The following CNTNAP5 variants were observed in gnomAD, a reference collection of about 807,000 sequenced individuals.
CNTNAP5 encodes contactin-associated protein-like 5.
In CNTNAP5, 72 loss-of-function variants were observed where a neutral mutation model predicts 150.2. The observed-to-expected ratio is 0.48, with a 90% CI of 0.40 to 0.58. The LOEUF (loss-of-function observed/expected upper bound fraction) is 0.58. Ranked by LOEUF, CNTNAP5 falls within the 20% of genes least tolerant of loss-of-function variation. The pLI, the probability that CNTNAP5 is intolerant of heterozygous loss-of-function variation, is 0.00. For missense variants in CNTNAP5, 1,636 were observed against 1,626.2 expected, an observed-to-expected ratio of 1.01 and a Z score of -0.10; for synonymous variants, 672 against 619.8, an observed-to-expected ratio of 1.08 and a Z score of -1.25.
intron 10 of CNTNAP5, among the ~76,000 whole-genome samples, chr2:124,534,264 C>A (rs1695180060): frequency 6.6e-6 from 1 of 151,588 alleles, no homozygotes; most frequent in Non-Finnish European, 1.5e-5. Context: ...GGATCTCGCG[C>A]AATAAAAAAT....
intron 19 of CNTNAP5, among the ~76,000 whole-genome samples, chr2:124,859,301 T>G (rs1677454923): frequency 6.6e-6 from 1 of 151,970 alleles, no homozygotes; most frequent in Non-Finnish European, 1.5e-5. Context: ...AAAAAACACA[T>G]GAAAAAATGC....
chr2:124,539,600 C>T (rs1695329136), intron 10 of CNTNAP5, among the ~76,000 whole-genome samples: 1 of 152,136 alleles, frequency 6.6e-6, no homozygotes, highest in Non-Finnish European at 1.5e-5. Context: ...CATGTTATAA[C>T]TGCAAGGTGT....
rs1686323713 is a variant in CNTNAP5 at position 124,221,750 on chromosome 2, T to C, written c.128T>C (p.Phe43Ser). 1 of 1,611,938 alleles carries C rather than the reference T, an allele frequency of 6.2e-7. No individual in the cohort carries two copies. Among genetic ancestry groups the C allele is most frequent in the Admixed American group, 1.7e-5 (1 of 59,784 alleles). ...GCATCCCTGCTCTCTCCAATGGCTT[T>C]TTCCAGTTCCTCAGACCTCACTGGC... Reference protein sequence around the residue: ...PLASLLSPMAFSSSSDLTGTH... With the variant: ...PLASLLSPMASSSSSDLTGTH... Residue 43 changes from phenylalanine (F) to serine (S), a missense_variant, in exon 2 of 24, where the codon TTT becomes TCT. Physicochemically the swap from Phe to Ser is radical, Grantham distance 155. Coordinates refer to ENST00000682447, the MANE Select transcript of CNTNAP5 (RefSeq NM_001367498.1).
intron 21 of CNTNAP5, among the ~76,000 whole-genome samples, chr2:124,896,246 TC>T (rs1459582088): frequency 6.6e-6 from 1 of 151,404 alleles, no homozygotes; most frequent in Non-Finnish European, 1.5e-5. Flanking sequence ...TTTATCAAGG[TC>T]AAGAATGAAG....
At chr2:124,308,933 A>T (rs1232688928) in intron 3 of CNTNAP5, among the ~76,000 whole-genome samples, 1 of 152,158 alleles carries the variant, frequency 6.6e-6, no homozygotes, top group African/African-American at 2.4e-5. Context: ...ACCCTGAGTT[A>T]TGCTCCTTAC....
At chr2:124,635,701 A>G (rs572174619) in intron 12 of CNTNAP5, among the ~76,000 whole-genome samples, 1 of 152,238 alleles carries the variant, frequency 6.6e-6, no homozygotes, top group African/African-American at 2.4e-5. Flanking sequence ...TTCCAAGGAG[A>G]GATGATGAAT....
intron 13 of CNTNAP5, among the ~76,000 whole-genome samples, chr2:124,746,135 T>G (rs1680598268): frequency 1.3e-5 from 2 of 152,330 alleles, no homozygotes; most frequent in East Asian, 1.9e-4. Context: ...ATTTTTTAAA[T>G]AAGCACATGT....
chr2:124,876,747 C>A (rs1476593044), intron 21 of CNTNAP5, among the ~76,000 whole-genome samples: 1 of 152,078 alleles, frequency 6.6e-6, no homozygotes, highest in Non-Finnish European at 1.5e-5. Context: ...AATACTAAAT[C>A]TCCAAACCAC....
intron 7 of CNTNAP5, among the ~76,000 whole-genome samples, chr2:124,486,932 A>G (rs2104845619): frequency 1.3e-5 from 2 of 152,358 alleles, no homozygotes; most frequent in South Asian, 4.1e-4. Flanking sequence ...GTCTACATGA[A>G]GATTTACTGT....
intron 19 of CNTNAP5, among the ~76,000 whole-genome samples, chr2:124,820,388 TCTGTGACCCAGAAGAAGGGAC>T (rs555627370): frequency 3.2e-4 from 49 of 152,104 alleles, no homozygotes; most frequent in African/African-American, 1.2e-3. Flanking sequence ...CACAATTTGA[TCTGTGACCCAGAAGAAGGGAC>T]CTGCTCTCCC....
intron 19 of CNTNAP5, among the ~76,000 whole-genome samples, chr2:124,852,907 C>T (rs1263384455): frequency 6.6e-6 from 1 of 152,184 alleles, no homozygotes; most frequent in Admixed American, 6.5e-5. Flanking sequence ...GAATTTTAAC[C>T]TGAGCAGCCA....
At chr2:124,150,841 G>A (rs1372122168) in intron 1 of CNTNAP5, among the ~76,000 whole-genome samples, 1 of 152,114 alleles carries the variant, frequency 6.6e-6, no homozygotes, top group Non-Finnish European at 1.5e-5. Context: ...TTTGTGGGGG[G>A]CACAAACATT....
At chr2:124,696,661 A>G (rs1679412414) in intron 13 of CNTNAP5, among the ~76,000 whole-genome samples, 1 of 152,196 alleles carries the variant, frequency 6.6e-6, no homozygotes, top group South Asian at 2.1e-4. Flanking sequence ...AAGAAAACCC[A>G]GAACTCAGGG....
At chr2:124,388,899 G>A (rs994424812) in intron 3 of CNTNAP5, among the ~76,000 whole-genome samples, 4 of 151,964 alleles carry the variant, frequency 2.6e-5, no homozygotes, top group Admixed American at 2.6e-4. Flanking sequence ...CAGGCTGCAC[G>A]GGGTCCATTT....
At chr2:124,575,402 C>A (rs1696259237) in intron 11 of CNTNAP5, among the ~76,000 whole-genome samples, 1 of 152,186 alleles carries the variant, frequency 6.6e-6, no homozygotes, top group Non-Finnish European at 1.5e-5. Flanking sequence ...ACTATTTGAT[C>A]TCAGTAAGTG....
At chr2:124,531,849 G>A (rs564917290) in intron 10 of CNTNAP5, among the ~76,000 whole-genome samples, 1 of 152,302 alleles carries the variant, frequency 6.6e-6, no homozygotes, top group Non-Finnish European at 1.5e-5. Flanking sequence ...AATATAAGTA[G>A]AGAGTTCATT....
At chr2:124,424,627 A>T (rs1400893429) in intron 4 of CNTNAP5, among the ~76,000 whole-genome samples, 1 of 152,190 alleles carries the variant, frequency 6.6e-6, no homozygotes, top group Non-Finnish European at 1.5e-5. Flanking sequence ...AAAATAAAAG[A>T]CACTGTGATC....
chr2:124,883,000 G>A (rs566602405), intron 21 of CNTNAP5, among the ~76,000 whole-genome samples: 23 of 151,818 alleles, frequency 1.5e-4, no homozygotes, highest in African/African-American at 5.6e-4. Context: ...GGGGATTATG[G>A]GAACTACAGT....
chr2:124,339,194 G>C (rs1248921244), intron 3 of CNTNAP5, among the ~76,000 whole-genome samples: 1 of 152,108 alleles, frequency 6.6e-6, no homozygotes, highest in African/African-American at 2.4e-5. Flanking sequence ...TGCTTAGCTA[G>C]AAAGTTCTAG....
Sources: gnomAD v4.1 joint callset for allele counts (sites outside exome capture counted in the v4.1 genomes callset) on GRCh38, gnomAD v4.1.1 for gene constraint, MANE v1.5 for transcripts, NCBI Gene and HGNC (gene_info 2026-07-23, HGNC 2026-07-21) for gene names.